The following RBFOX1 variants were observed in gnomAD, a reference collection of about 807,000 sequenced individuals.
RBFOX1 encodes the protein RNA binding protein fox-1 homolog 1.
Under a neutral mutation model 57.7 loss-of-function variants are expected in RBFOX1, and 8 were observed. The observed-to-expected ratio is 0.14, with a 90% CI of 0.08 to 0.25. RBFOX1 has a LOEUF of 0.25. Ranked by LOEUF, RBFOX1 falls within the 10% of genes least tolerant of loss-of-function variation. The pLI, the probability that RBFOX1 is intolerant of heterozygous loss-of-function variation, is 1.00. For synonymous variants in RBFOX1, 326 were observed against 222.4 expected, an observed-to-expected ratio of 1.47 and a Z score of -4.15; for missense variants, 611 against 548.5, an observed-to-expected ratio of 1.11 and a Z score of -1.14.
At chr16:7,252,351 C>G (rs1203469707) in intron 4 of RBFOX1, among the ~76,000 whole-genome samples, 2 of 152,248 alleles carry the variant, frequency 1.3e-5, no homozygotes, top group East Asian at 1.9e-4. Context: ...ATTCACCACT[C>G]TGTGCTTGCT....
intron 4 of RBFOX1, among the ~76,000 whole-genome samples, chr16:7,506,864 C>G (rs1246890938): frequency 6.6e-6 from 1 of 152,182 alleles, no homozygotes; most frequent in Non-Finnish European, 1.5e-5. Context: ...GTCCAACACA[C>G]ATCCCTTCTT....
At chr16:5,827,871 GTCCA>G (rs58720656) in intron 3 of RBFOX1, among the ~76,000 whole-genome samples, 22,989 of 127,888 alleles carry the variant, frequency 0.18, 2,611 homozygotes, top group African/African-American at 0.27. Flanking sequence ...CCAGGCTTTT[GTCCA>G]TCCATCCATC....
intron 3 of RBFOX1, among the ~76,000 whole-genome samples, chr16:6,997,647 C>A (rs1453309343): frequency 6.6e-6 from 1 of 152,118 alleles, no homozygotes; most frequent in South Asian, 2.1e-4. Flanking sequence ...AAGGGTCTTT[C>A]TCTTTGTCAG....
At chr16:7,304,815 G>C (rs1006102617) in intron 4 of RBFOX1, among the ~76,000 whole-genome samples, 11 of 152,056 alleles carry the variant, frequency 7.2e-5, no homozygotes, top group African/African-American at 2.7e-4. Flanking sequence ...CCCCTTTGAT[G>C]CTAAGAGTTT....
chr16:7,293,290 T>C (rs1287823974), intron 4 of RBFOX1, among the ~76,000 whole-genome samples: 1 of 152,164 alleles, frequency 6.6e-6, no homozygotes, highest in Non-Finnish European at 1.5e-5. Flanking sequence ...ACCTAGAAGA[T>C]GATTTAAAGT....
At chr16:6,047,714 G>T (rs1482784633) in intron 1 of RBFOX1, among the ~76,000 whole-genome samples, 2 of 152,192 alleles carry the variant, frequency 1.3e-5, no homozygotes, top group East Asian at 3.9e-4. Flanking sequence ...TACCATGACA[G>T]TGCCATAGCC....
intron 1 of RBFOX1, among the ~76,000 whole-genome samples, chr16:6,040,108 C>G (rs762245783): frequency 6.6e-6 from 1 of 152,158 alleles, no homozygotes; most frequent in African/African-American, 2.4e-5. Context: ...CATGAACACA[C>G]GTTATTACAT....
intron 3 of RBFOX1, among the ~76,000 whole-genome samples, chr16:5,670,153 T>A (rs1448869715): frequency 6.6e-6 from 1 of 152,044 alleles, no homozygotes; most frequent in African/African-American, 2.4e-5. Flanking sequence ...GACAGCAGAT[T>A]AGTGGTTACT....
chr16:5,453,693 T>C (rs951939706), intron 1 of RBFOX1, among the ~76,000 whole-genome samples: 9 of 152,176 alleles, frequency 5.9e-5, no homozygotes, highest in Admixed American at 5.9e-4. Flanking sequence ...CATCAGGTAC[T>C]TATCATTCAT....
chr16:6,240,432 G>C (rs553029077), intron 1 of RBFOX1, among the ~76,000 whole-genome samples: 24 of 152,204 alleles, frequency 1.6e-4, no homozygotes, highest in Admixed American at 1.5e-3. Flanking sequence ...CTCCAGATTA[G>C]TTGATGCATG....
chr16:7,548,308 C>T (rs903616154), intron 5 of RBFOX1, among the ~76,000 whole-genome samples: 2 of 152,092 alleles, frequency 1.3e-5, no homozygotes, highest in African/African-American at 4.8e-5. Context: ...AGGTGCCTGC[C>T]ACTATGTCCG....
Position 7,710,809 on chromosome 16 carries a change from G to T in RBFOX1, c.*64G>T, listed in dbSNP as rs1445519758. 1 of 1,365,756 alleles carries T rather than the reference G, an allele frequency of 7.3e-7. No individual in the cohort carries two copies. The highest frequency in any genetic ancestry group is 2.6e-5 in the East Asian group (1 of 37,922). 84.6% of individuals were successfully genotyped at this position (1,365,756 alleles called of 1,614,324 possible). A position where few individuals can be genotyped will look rare whatever the true frequency, so the allele number is the denominator to read the frequency against. On this transcript the variant is annotated 3_prime_UTR_variant, in exon 16 of 16. Transcript: ENST00000550418. The stretch of plus-strand genomic sequence containing the variant: ...GGAAGCTTTCCGAGGCCTGAGTATT[G>T]CAATACATGCAGTAGTACATCATTT...
At chr16:7,710,192 T>C (rs372842620) in intron 15 of RBFOX1, 463 of 1,028,150 alleles carry the variant, frequency 4.5e-4, no homozygotes, top group Non-Finnish European at 5.1e-4. Context: ...AAGTAAGAAG[T>C]AGGTTGAGAT....
intron 2 of RBFOX1, among the ~76,000 whole-genome samples, chr16:6,432,161 G>A (rs956683709): frequency 6.6e-6 from 1 of 151,704 alleles, no homozygotes; most frequent in Non-Finnish European, 1.5e-5. Context: ...TAAAGATGGG[G>A]GTCTGACTAG....
intron 4 of RBFOX1, among the ~76,000 whole-genome samples, chr16:7,113,035 T>C (rs1015761063): frequency 1.3e-5 from 2 of 152,108 alleles, no homozygotes; most frequent in Admixed American, 6.6e-5. Context: ...CGAACTGGAG[T>C]CAGAGAAAGC....
At chr16:6,069,133 T>A (rs1439256115) in intron 1 of RBFOX1, among the ~76,000 whole-genome samples, 1 of 152,134 alleles carries the variant, frequency 6.6e-6, no homozygotes, top group Non-Finnish European at 1.5e-5. Flanking sequence ...GCACGGCGGC[T>A]GACGCATGTA....
At chr16:7,308,639 C>T (rs2096246665) in intron 4 of RBFOX1, among the ~76,000 whole-genome samples, 1 of 152,152 alleles carries the variant, frequency 6.6e-6, no homozygotes, top group African/African-American at 2.4e-5. Context: ...GTAAATGAAG[C>T]CATTGCTCAC....
At chr16:6,736,406 T>C (rs2070320133) in intron 3 of RBFOX1, among the ~76,000 whole-genome samples, 1 of 152,146 alleles carries the variant, frequency 6.6e-6, no homozygotes, top group African/African-American at 2.4e-5. Context: ...GAAAATATCA[T>C]GTTTGGTTTT....
chr16:7,483,937 C>A (rs773881386), intron 4 of RBFOX1, among the ~76,000 whole-genome samples: 1 of 152,240 alleles, frequency 6.6e-6, no homozygotes, highest in Non-Finnish European at 1.5e-5. Context: ...TATATACAAT[C>A]TCACAGTCTC....
Sources: gnomAD v4.1 joint callset for allele counts (sites outside exome capture counted in the v4.1 genomes callset) on GRCh38, gnomAD v4.1.1 for gene constraint, MANE v1.5 for transcripts, NCBI Gene and HGNC (gene_info 2026-07-23, HGNC 2026-07-21) for gene names.